Variants in LPIN1 observed in about 807,000 individuals in gnomAD.
LPIN1 encodes the protein phosphatidate phosphatase LPIN1.
A neutral mutation model predicts 107.5 loss-of-function variants in LPIN1; 71 were observed. That is an observed-to-expected ratio of 0.66 (90% CI 0.55 to 0.80). The LOEUF is 0.80. Ranked by LOEUF, LPIN1 falls within the 30% of genes least tolerant of loss-of-function variation. The pLI, the probability that LPIN1 is intolerant of heterozygous loss-of-function variation, is 0.00. For synonymous variants in LPIN1, 445 were observed against 452.6 expected (o/e 0.98, Z 0.21); for missense variants, 1,043 against 1,160.6 (o/e 0.90, Z 1.47).
intron 17 of LPIN1, among the ~76,000 whole-genome samples, chr2:11,814,851 A>G (rs1421458917): frequency 3.3e-5 from 5 of 152,178 alleles, no homozygotes; most frequent in East Asian, 1.9e-4. Flanking sequence ...TCATCCAGCC[A>G]TGTTCTCCTG....
intron 17 of LPIN1, among the ~76,000 whole-genome samples, chr2:11,807,803 T>C (rs1480558462): frequency 6.6e-6 from 1 of 152,138 alleles, no homozygotes; most frequent in Non-Finnish European, 1.5e-5. Flanking sequence ...TGAAAACCCA[T>C]CTTCAGGGCA....
At chr2:11,733,469 T>TACTGTG (rs1665462327) in intron 1 of LPIN1, among the ~76,000 whole-genome samples, 1 of 151,242 alleles carries the variant, frequency 6.6e-6, no homozygotes, top group African/African-American at 2.4e-5. Context: ...GCATGACTCT[T>TACTGTG]TACTGTGTTT....
At chr2:11,761,294 C>G (rs1229521690) in intron 1 of LPIN1, among the ~76,000 whole-genome samples, 1 of 152,200 alleles carries the variant, frequency 6.6e-6, no homozygotes, top group Non-Finnish European at 1.5e-5. Context: ...CAGGAACCAT[C>G]CCACTGCACC....
At chr2:11,772,822 G>A (rs899780666) in intron 4 of LPIN1, among the ~76,000 whole-genome samples, 1 of 152,186 alleles carries the variant, frequency 6.6e-6, no homozygotes, top group Non-Finnish European at 1.5e-5. Flanking sequence ...GAAGGGATAA[G>A]GGGAATCAGG....
intron 1 of LPIN1, among the ~76,000 whole-genome samples, chr2:11,739,352 G>A (rs1379619812): frequency 1.3e-5 from 2 of 152,152 alleles, no homozygotes; most frequent in Non-Finnish European, 2.9e-5. Context: ...CCACCAGCTG[G>A]GCCACTCCTG....
chr2:11,788,145 A>T (rs1674987228), intron 11 of LPIN1, among the ~76,000 whole-genome samples: 2 of 152,084 alleles, frequency 1.3e-5, no homozygotes, highest in South Asian at 4.1e-4. Flanking sequence ...GGCTGCTGGC[A>T]TGTCCAACTG....
chr2:11,743,585 C>A (rs183649342), upstream of LPIN1, among the ~76,000 whole-genome samples: 12 of 152,296 alleles, frequency 7.9e-5, no homozygotes, highest in African/African-American at 2.9e-4. The surrounding 1 kb of genome is among the most constrained non-coding windows in gnomAD (Gnocchi z 4.7). Context: ...GGCCCCCAAC[C>A]AAGGAGTGGC....
intron 1 of LPIN1, chr2:11,677,876 G>A: frequency 1.5e-6 from 1 of 674,558 alleles, no homozygotes; most frequent in South Asian, 1.8e-5. Flanking sequence ...CGCTTCCCCA[G>A]ATAGGTGACC....
chr2:11,704,614 G>T (rs1047229955), intron 1 of LPIN1, among the ~76,000 whole-genome samples: 1 of 152,188 alleles, frequency 6.6e-6, no homozygotes, highest in Non-Finnish European at 1.5e-5. Context: ...GATTGTGCTA[G>T]ATACTCACTA....
At chr2:11,736,297 A>C (rs1665785916) in intron 1 of LPIN1, among the ~76,000 whole-genome samples, 1 of 152,148 alleles carries the variant, frequency 6.6e-6, no homozygotes, top group Admixed American at 6.5e-5. Context: ...TTTCTATCTC[A>C]TGGTTCTGGA....
intron 1 of LPIN1, among the ~76,000 whole-genome samples, chr2:11,753,695 C>T (rs573661869): frequency 6.6e-6 from 1 of 152,198 alleles, no homozygotes. Context: ...TATCAACCGC[C>T]GTTAAGTATC....
chr2:11,679,037 C>T (rs1306676093), intron 1 of LPIN1, among the ~76,000 whole-genome samples: 2 of 152,208 alleles, frequency 1.3e-5, no homozygotes, highest in African/African-American at 2.4e-5. Context: ...CTGAGAATGG[C>T]ACTCGCATCT....
intron 1 of LPIN1, among the ~76,000 whole-genome samples, chr2:11,684,952 GCCC>G (rs752366592): frequency 3.1e-5 from 1 of 32,502 alleles, no homozygotes; most frequent in Non-Finnish European, 1.0e-4. Flanking sequence ...CAAACATCCT[GCCC>G]TCCTGGAGCT....
At chr2:11,773,296 G>C (rs1672158794) in intron 4 of LPIN1, among the ~76,000 whole-genome samples, 1 of 152,206 alleles carries the variant, frequency 6.6e-6, no homozygotes, top group Admixed American at 6.5e-5. Flanking sequence ...TACCTCCCAG[G>C]CTTTTGGAAC....
At chr2:11,804,719 C>T (rs1678349862) in intron 16 of LPIN1, 148 bp downstream of exon 16, 7 of 815,338 alleles carry the variant, frequency 8.6e-6, no homozygotes, top group Non-Finnish European at 1.4e-5. Context: ...AGTTTCAGCT[C>T]CTTGGTGGCA....
intron 1 of LPIN1, among the ~76,000 whole-genome samples, chr2:11,704,303 G>A (rs1663022413): frequency 6.6e-6 from 1 of 152,228 alleles, no homozygotes; most frequent in Non-Finnish European, 1.5e-5. Flanking sequence ...GCACACACAT[G>A]CATCTCATGT....
At chr2:11,737,703 T>C (rs889773638) in intron 1 of LPIN1, among the ~76,000 whole-genome samples, 7 of 152,308 alleles carry the variant, frequency 4.6e-5, no homozygotes, top group South Asian at 2.1e-4. Flanking sequence ...CTCACGCCAG[T>C]TAGAATGGCG....
At chr2:11,754,030 A>G (rs536711917) in intron 1 of LPIN1, among the ~76,000 whole-genome samples, 1 of 152,284 alleles carries the variant, frequency 6.6e-6, no homozygotes, top group East Asian at 1.9e-4. Context: ...GAGGGCGGCT[A>G]GGGCAGTGAG....
At chr2:11,737,372 A>G (rs140683533) in intron 1 of LPIN1, among the ~76,000 whole-genome samples, 3 of 152,252 alleles carry the variant, frequency 2.0e-5, no homozygotes, top group African/African-American at 7.2e-5. Context: ...ACAAAAGCCA[A>G]CATTGACAAA....
Sources: allele counts gnomAD v4.1 joint callset (sites outside exome capture counted in the v4.1 genomes callset), GRCh38; gene constraint gnomAD v4.1.1; non-coding constraint Gnocchi (gnomAD v3.1); transcripts MANE v1.5; gene names NCBI Gene and HGNC (gene_info 2026-07-23, HGNC 2026-07-21).